PRKG1: variants seen among roughly 807,000 people sequenced by gnomAD.
PRKG1 encodes the protein cGMP-dependent protein kinase 1.
In PRKG1, 35 loss-of-function variants were observed where a neutral mutation model predicts 88.1. That is an observed-to-expected ratio of 0.40 (90% confidence interval 0.30 to 0.53). The LOEUF is 0.53. Ranked by LOEUF, PRKG1 falls within the 20% of genes least tolerant of loss-of-function variation. PRKG1 has a pLI of 0.59. For missense variants in PRKG1, 540 were observed against 839.8 expected (o/e 0.64, Z 4.41); for synonymous variants, 303 against 292.5 (o/e 1.04, Z -0.37).
At chr10:51,744,030 G>A (rs1837515595) in intron 3 of PRKG1, among the ~76,000 whole-genome samples, 2 of 151,238 alleles carry the variant, frequency 1.3e-5, no homozygotes, top group South Asian at 2.1e-4. Context: ...CTTTCTTCTC[G>A]ATTTCTTTCC....
At chr10:52,084,331 C>T (rs1327579248) in intron 7 of PRKG1, among the ~76,000 whole-genome samples, 1 of 152,048 alleles carries the variant, frequency 6.6e-6, no homozygotes, top group Non-Finnish European at 1.5e-5. Flanking sequence ...TTTCAAATTT[C>T]ATTATCTTTA....
intron 10 of PRKG1, among the ~76,000 whole-genome samples, chr10:52,266,718 A>G (rs1841578758): frequency 6.6e-6 from 1 of 151,964 alleles, no homozygotes; most frequent in Non-Finnish European, 1.5e-5. Flanking sequence ...ATATCCCCAT[A>G]TGATAGATGA....
intron 4 of PRKG1, among the ~76,000 whole-genome samples, chr10:51,811,455 T>A (rs1477795312): frequency 1.3e-5 from 2 of 152,178 alleles, no homozygotes; most frequent in Non-Finnish European, 2.9e-5. Context: ...TTATCATATT[T>A]CTAAAAGTGT....
At chr10:51,797,871 G>A (rs1468047771) in intron 3 of PRKG1, among the ~76,000 whole-genome samples, 1 of 151,688 alleles carries the variant, frequency 6.6e-6, no homozygotes, top group African/African-American at 2.4e-5. Flanking sequence ...ACTATTCTAG[G>A]ACCTCATATC....
chr10:51,237,651 T>A (rs1174468744), intron 2 of PRKG1, among the ~76,000 whole-genome samples: 4 of 152,178 alleles, frequency 2.6e-5, no homozygotes, highest in Admixed American at 6.6e-5. Context: ...TCTTTGAGAA[T>A]AATTAAATAA....
At chr10:51,062,939 A>G (rs1390353330) in intron 1 of PRKG1, 1 of 152,122 alleles carries the variant, frequency 6.6e-6, no homozygotes, top group Admixed American at 6.5e-5. Context: ...CTCTATTGAA[A>G]CAATAAAGAT....
chr10:51,147,109 A>G (rs1845963586), intron 1 of PRKG1, among the ~76,000 whole-genome samples: 1 of 152,154 alleles, frequency 6.6e-6, no homozygotes, highest in African/African-American at 2.4e-5. Flanking sequence ...AAAGAGCAGG[A>G]TTATAGTTAT....
intron 1 of PRKG1, among the ~76,000 whole-genome samples, chr10:51,103,768 G>A (rs1410231915): frequency 6.6e-6 from 1 of 152,162 alleles, no homozygotes; most frequent in Non-Finnish European, 1.5e-5. Context: ...GTGACTTCAT[G>A]TAGATGAACT....
chr10:52,188,311 T>C (rs12573827), intron 9 of PRKG1, among the ~76,000 whole-genome samples: 27,856 of 131,884 alleles, frequency 0.21, 4,989 homozygotes, highest in African/African-American at 0.46. Context: ...TGTATATATA[T>C]ACATATGTAT....
intron 9 of PRKG1, among the ~76,000 whole-genome samples, chr10:52,179,313 A>C (rs1838949362): frequency 6.6e-6 from 1 of 151,994 alleles, no homozygotes; most frequent in African/African-American, 2.4e-5. Flanking sequence ...TGTTTATGAC[A>C]GATTTTATTT....
At chr10:51,625,482 A>AAAAG (rs749004869) in intron 3 of PRKG1, among the ~76,000 whole-genome samples, 7 of 152,218 alleles carry the variant, frequency 4.6e-5, no homozygotes, top group African/African-American at 9.6e-5. Flanking sequence ...GTCTCAATAA[A>AAAAG]AAAGAAAGAA....
intron 7 of PRKG1, among the ~76,000 whole-genome samples, chr10:52,068,096 G>C (rs1318259948): frequency 7.3e-6 from 1 of 137,916 alleles, no homozygotes; most frequent in Non-Finnish European, 1.6e-5. Flanking sequence ...CCAGCTACAC[G>C]GGAGGCTGAG....
chr10:51,909,422 A>T (rs1842165582), intron 5 of PRKG1: 1 of 152,156 alleles, frequency 6.6e-6, no homozygotes, highest in East Asian at 1.9e-4. Context: ...GATCTTAAAA[A>T]CATCATGCCG....
In PRKG1 at chr10:51,630,679, C is replaced by T. The variant is rs77662394; in HGVS notation, c.592+162843C>T. The stretch of plus-strand genomic sequence containing the variant: ...TACCATGGTGACTCATTAATCTTCT[C>T]TACCAGTTGTGCCTCAGTATCCTCT... On this transcript the variant is annotated intron_variant, in intron 3 of 17. Coordinates refer to ENST00000373980, the MANE Select transcript of PRKG1 (RefSeq NM_006258.4). Among the ~76,000 whole-genome samples, 1,456 of 152,320 alleles carry T rather than the reference C, an allele frequency of 9.6e-3. 36 individuals are homozygous for T. Among genetic ancestry groups the T allele is most frequent in the African/African-American group, 0.034 (1,393 of 41,574 alleles).
chr10:52,271,009 T>C (rs980344371), intron 10 of PRKG1, among the ~76,000 whole-genome samples: 2 of 152,136 alleles, frequency 1.3e-5, no homozygotes, highest in African/African-American at 4.8e-5. Context: ...AAGTTTTTTT[T>C]CTACTCTTTT....
At chr10:52,094,390 C>T (rs1589601490) in intron 7 of PRKG1, among the ~76,000 whole-genome samples, 2 of 152,070 alleles carry the variant, frequency 1.3e-5, no homozygotes, top group African/African-American at 4.8e-5. Context: ...AATCACTATA[C>T]ATTAATTTGT....
At chr10:51,638,117 C>G (rs1839704654) in intron 3 of PRKG1, among the ~76,000 whole-genome samples, 1 of 152,126 alleles carries the variant, frequency 6.6e-6, no homozygotes, top group Non-Finnish European at 1.5e-5. Flanking sequence ...ATTGAAAATT[C>G]TATTGGCTAG....
intron 7 of PRKG1, among the ~76,000 whole-genome samples, chr10:52,086,356 A>G (rs1234009316): frequency 6.6e-6 from 1 of 151,300 alleles, no homozygotes; most frequent in Non-Finnish European, 1.5e-5. Context: ...CACTTTTTTG[A>G]ACTTTATTTT....
chr10:51,515,502 T>C (rs967753836), intron 3 of PRKG1, among the ~76,000 whole-genome samples: 6 of 152,130 alleles, frequency 3.9e-5, no homozygotes, highest in Non-Finnish European at 7.3e-5. Context: ...AACCTGAAAA[T>C]TTTTTGCTCA....
Sources: gnomAD v4.1 joint callset for allele counts (sites outside exome capture counted in the v4.1 genomes callset) on GRCh38, gnomAD v4.1.1 for gene constraint, MANE v1.5 for transcripts, NCBI Gene and HGNC (gene_info 2026-07-23, HGNC 2026-07-21) for gene names.